ATP5F1C: variants seen among roughly 807,000 people sequenced by gnomAD.
ATP5F1C encodes the protein ATP synthase F(1) complex subunit gamma, mitochondrial.
In ATP5F1C, 22 loss-of-function variants were observed where a neutral mutation model predicts 37.4. That is an observed-to-expected ratio of 0.59 (90% CI 0.42 to 0.84). ATP5F1C has a LOEUF of 0.84. Among genes scored for constraint, ATP5F1C ranks in the 40% least tolerant of loss-of-function variants. ATP5F1C has a pLI of 0.00. For synonymous variants in ATP5F1C, 121 were observed against 128.0 expected (o/e 0.95, Z 0.37); for missense variants, 286 against 362.4 (o/e 0.79, Z 1.71).
intron 8 of ATP5F1C, among the ~76,000 whole-genome samples, chr10:7,805,178 T>C (rs1236948741): frequency 6.6e-6 from 1 of 152,244 alleles, no homozygotes; most frequent in Non-Finnish European, 1.5e-5. Flanking sequence ...CTCAGCTTTG[T>C]CATCTGTAAC....
chr10:7,803,392 T>C (rs1415580837), intron 8 of ATP5F1C, among the ~76,000 whole-genome samples: 1 of 152,182 alleles, frequency 6.6e-6, no homozygotes, highest in Non-Finnish European at 1.5e-5. Context: ...GTCCCTGAAA[T>C]AAAATAGCAC....
rs934686324 is a variant in ATP5F1C, at chr10:7,797,165, A to T, written c.210A>T (p.Gly70=). 14 of 1,613,836 alleles carry T rather than the reference A, an allele frequency of 8.7e-6. No homozygotes were observed. The highest frequency in any genetic ancestry group is 1.2e-5 in the Non-Finnish European group (14 of 1,179,912). ...AGCTGAAACCAGCTCGAATATATGGATTGGGATCTTTAGGTAAGGGAAGAG... is the reference window on the plus strand; with the variant it reads ...AGCTGAAACCAGCTCGAATATATGGTTTGGGATCTTTAGGTAAGGGAAGAG... ...ERELKPARIY[G]LGSLALYEKA... Residue 70 remains glycine, a synonymous_variant, in exon 3 of 10, where the codon GGA becomes GGT. Transcript: ENST00000356708.
chr10:7,803,268 T>C (rs1312538722), intron 8 of ATP5F1C, among the ~76,000 whole-genome samples: 2 of 143,936 alleles, frequency 1.4e-5, no homozygotes, highest in Admixed American at 1.4e-4. Flanking sequence ...TTAATCATTA[T>C]GTTTTCTATA....
intron 8 of ATP5F1C, chr10:7,804,113 C>T (rs756341717): frequency 1.9e-6 from 1 of 518,924 alleles, no homozygotes; most frequent in Non-Finnish European, 3.8e-6. Context: ...TAAACTGTGG[C>T]CTGGAGCTAA....
intron 3 of ATP5F1C, among the ~76,000 whole-genome samples, chr10:7,798,758 T>C (rs1836290572): frequency 6.6e-6 from 1 of 151,296 alleles, no homozygotes; most frequent in South Asian, 2.1e-4. Flanking sequence ...CTCAAACTCC[T>C]GACCTCAGGT....
chr10:7,806,856 G>T (rs1019693263), intron 8 of ATP5F1C, 118 bp from the exon 9 acceptor site: 4 of 768,018 alleles, frequency 5.2e-6, no homozygotes, highest in Non-Finnish European at 8.9e-6. Context: ...ATGTACTCAA[G>T]GTATCAAGTT....
At chr10:7,795,454 C>T (rs1228787627) in intron 1 of ATP5F1C, among the ~76,000 whole-genome samples, 1 of 152,090 alleles carries the variant, frequency 6.6e-6, no homozygotes, top group Non-Finnish European at 1.5e-5. Flanking sequence ...TTCATTTAAG[C>T]CTAATCATTT....
chr10:7,789,836 C>G (rs1385606028), intron 1 of ATP5F1C, among the ~76,000 whole-genome samples: 1 of 152,054 alleles, frequency 6.6e-6, no homozygotes, highest in Non-Finnish European at 1.5e-5. Flanking sequence ...TTTTAAAGCA[C>G]CTGTAAGATA....
intron 2 of ATP5F1C, 118 bp from the exon 3 acceptor site, chr10:7,796,929 T>G: frequency 1.7e-6 from 2 of 1,154,578 alleles, no homozygotes; most frequent in Non-Finnish European, 2.4e-6. Context: ...ATCGTGCTGT[T>G]TATTGTTTAT....
intron 5 of ATP5F1C, 46 bp from the exon 6 acceptor site, chr10:7,799,981 G>C (rs759509969): frequency 6.2e-7 from 1 of 1,607,074 alleles, no homozygotes; most frequent in Non-Finnish European, 8.5e-7. Context: ...TGAAATAACA[G>C]TTTAAAAATT....
chr10:7,791,941 G>T (rs1156572833), intron 1 of ATP5F1C, among the ~76,000 whole-genome samples: 1 of 152,220 alleles, frequency 6.6e-6, no homozygotes, highest in African/African-American at 2.4e-5. Flanking sequence ...AACATTCTGT[G>T]TTTGTCCAAA....
chr10:7,799,274 C>G (rs1836304893), intron 4 of ATP5F1C, 80 bp downstream of exon 4: 5 of 1,326,472 alleles, frequency 3.8e-6, no homozygotes, highest in African/African-American at 2.9e-5. Flanking sequence ...GACAAACTCT[C>G]AAAACCTTCA....
intron 8 of ATP5F1C, among the ~76,000 whole-genome samples, chr10:7,803,829 G>A (rs1428846953): frequency 2.0e-5 from 3 of 152,118 alleles, no homozygotes; most frequent in African/African-American, 7.2e-5. Context: ...TTTTTGACTC[G>A]TTCCTTCTTA....
chr10:7,807,007 A>T lies in ATP5F1C; in HGVS notation c.*27A>T. The T allele has an allele frequency of 6.2e-7, 1 of 1,611,168 alleles. No individual in the cohort carries two copies. Among genetic ancestry groups the T allele is most frequent in the Non-Finnish European group, 8.5e-7 (1 of 1,177,724 alleles). On this transcript the variant is annotated 3_prime_UTR_variant, in exon 9 of 10. Coordinates refer to ENST00000356708, the MANE Select transcript of ATP5F1C (RefSeq NM_001001973.3). The stretch of plus-strand genomic sequence containing the variant: ...GAAAATCAAGTTCCATCCTCAGACA[A>T]GAGGTAAAGTTCACACATTCTTCCC...
At position 7,800,084 on chromosome 10, in the gene ATP5F1C, A is replaced by G; in HGVS notation, c.630A>G (p.Ala210=). ...EKPIFSLNTV[A]SADSMSIYDD... is the part of the protein sequence containing the mutation. ...CCATCTTTTCCCTTAATACCGTTGC[A>G]AGTGCTGGTAAGTAGTTTTTCTATG... The change falls in exon 6 of 10, where the codon GCA becomes GCG. Residue 210 remains alanine (A), a synonymous_variant. Coordinates refer to ENST00000356708, the MANE Select transcript of ATP5F1C (RefSeq NM_001001973.3). The G allele has an allele frequency of 6.2e-7, 1 of 1,613,868 alleles. No homozygotes were observed. Among genetic ancestry groups the G allele is most frequent in the Non-Finnish European group, 8.5e-7 (1 of 1,179,922 alleles).
chr10:7,806,860 T>G (rs1341919618), intron 8 of ATP5F1C, 114 bp from the exon 9 acceptor site: 1 of 819,460 alleles, frequency 1.2e-6, no homozygotes, highest in South Asian at 1.5e-5. Context: ...ACTCAAGGTA[T>G]CAAGTTTAAC....
intron 6 of ATP5F1C, among the ~76,000 whole-genome samples, chr10:7,800,443 C>T (rs1182784924): frequency 6.6e-6 from 1 of 151,860 alleles, no homozygotes; most frequent in East Asian, 1.9e-4. Context: ...GATCCACCCG[C>T]CTCGGCCTCC....
intron 3 of ATP5F1C, 67 bp downstream of exon 3, chr10:7,797,245 T>TA (rs977862482): frequency 1.3e-6 from 2 of 1,579,584 alleles, no homozygotes; most frequent in Admixed American, 1.8e-5. Context: ...ACTGATGACT[T>TA]ACATTTAGAG....
intron 8 of ATP5F1C, among the ~76,000 whole-genome samples, chr10:7,804,541 C>T (rs1836436463): frequency 6.6e-6 from 1 of 152,318 alleles, no homozygotes; most frequent in Admixed American, 6.5e-5. Flanking sequence ...CTTCCTTACT[C>T]AGCTGGGGGA....
Sources: allele counts gnomAD v4.1 joint callset (sites outside exome capture counted in the v4.1 genomes callset), GRCh38; gene constraint gnomAD v4.1.1; transcripts MANE v1.5; gene names NCBI Gene and HGNC (gene_info 2026-07-23, HGNC 2026-07-21).